The following CREB3L2 variants were observed in gnomAD, a reference collection of about 807,000 sequenced individuals.
CREB3L2 encodes the protein cyclic AMP-responsive element-binding protein 3-like protein 2.
Under a neutral mutation model 57.2 loss-of-function variants are expected in CREB3L2, and 23 were observed. That is an observed-to-expected ratio of 0.40 (90% CI 0.29 to 0.57). The LOEUF (loss-of-function observed/expected upper bound fraction) is 0.57. Among genes scored for constraint, CREB3L2 ranks in the 20% least tolerant of loss-of-function variants. The pLI is 0.42. For missense variants in CREB3L2, 628 were observed against 634.7 expected (o/e 0.99, Z 0.11); for synonymous variants, 268 against 265.1 (o/e 1.01, Z -0.11).
chr7:137,913,515 AAAAAAAG>A (rs1800060978), intron 3 of CREB3L2, among the ~76,000 whole-genome samples: 1 of 151,622 alleles, frequency 6.6e-6, no homozygotes, highest in Non-Finnish European at 1.5e-5. Context: ...TCAAAAAAAA[AAAAAAAG>A]AAAAAAGAAA....
chr7:138,001,818 G>C lies in CREB3L2; in HGVS notation c.-113C>G. 1.4e-6 allele frequency: 1 copy of C among 707,362 alleles called. No homozygotes were observed. The highest frequency in any genetic ancestry group is 2.2e-6 in the Non-Finnish European group (1 of 456,096). 43.8% of individuals were successfully genotyped at this position (707,362 alleles called of 1,614,324 possible). ...CGCGTGTGCTTGCGTGTGTGCGCGC[G>C]CGTGTCTGTAGTTTTGCACTTGGAA... is the stretch of plus-strand genomic sequence containing the variant. On this transcript the variant is annotated 5_prime_UTR_variant, in exon 1 of 12. Coordinates refer to ENST00000330387, the MANE Select transcript of CREB3L2 (RefSeq NM_194071.4). This position sits in a 1 kb window ranked among gnomAD's most constrained non-coding sequence, Gnocchi z 4.2.
At chr7:137,922,425 T>C (rs1222831895) in intron 2 of CREB3L2, among the ~76,000 whole-genome samples, 23 of 48,044 alleles carry the variant, frequency 4.8e-4, no homozygotes, top group East Asian at 3.8e-3. Context: ...TGTATATATA[T>C]ATATATATAT....
chr7:137,930,289 T>C (rs1194174243), intron 1 of CREB3L2, among the ~76,000 whole-genome samples: 3 of 152,218 alleles, frequency 2.0e-5, no homozygotes, highest in South Asian at 4.1e-4. Context: ...ATGGGTGTCA[T>C]CCTTACTGAT....
chr7:137,982,824 G>A (rs1484228937), intron 1 of CREB3L2, among the ~76,000 whole-genome samples: 3 of 152,152 alleles, frequency 2.0e-5, no homozygotes, highest in Non-Finnish European at 2.9e-5. Flanking sequence ...GGGCCTGAGG[G>A]TTAAATGGGC....
At chr7:137,940,763 C>A (rs1320595720) in intron 1 of CREB3L2, among the ~76,000 whole-genome samples, 1 of 152,192 alleles carries the variant, frequency 6.6e-6, no homozygotes, top group African/African-American at 2.4e-5. Flanking sequence ...GAACGGCATG[C>A]ATGCTTCCTA....
intron 3 of CREB3L2, among the ~76,000 whole-genome samples, chr7:137,914,631 CAA>C (rs913878330): frequency 6.8e-6 from 1 of 146,998 alleles, no homozygotes; most frequent in Non-Finnish European, 1.5e-5. Flanking sequence ...ACTTCTGTTT[CAA>C]AAAAAAAAGT....
At chr7:137,960,950 A>G (rs1000271005) in intron 1 of CREB3L2, among the ~76,000 whole-genome samples, 54 of 150,904 alleles carry the variant, frequency 3.6e-4, no homozygotes, top group African/African-American at 1.2e-3. Context: ...AGTAGCTGAG[A>G]TTAGAGGTGT....
Position 137,877,434 on chromosome 7 carries a change from ATTCT to A in CREB3L2, c.*3038_*3041del, listed in dbSNP as rs1799182056. On this transcript the variant is annotated 3_prime_UTR_variant, in exon 12 of 12. Coordinates refer to ENST00000330387, the MANE Select transcript of CREB3L2 (RefSeq NM_194071.4). ...TCCAGAGTCCTCACACTTCACAGAA[ATTCT>A]TTCTTAAAACTGGCACTGCAGCCTT... 4.4e-6 allele frequency: 1 copy of A among 226,862 alleles called. No individual in the cohort carries two copies. Among genetic ancestry groups the A allele is most frequent in the East Asian group, 6.3e-5 (1 of 15,770 alleles). The allele number at this position is 226,862 out of a possible 1,614,324, so 14.1% of individuals were successfully genotyped here. A position where few individuals can be genotyped will look rare whatever the true frequency, so the allele number is the denominator to read the frequency against.
At chr7:137,972,714 T>TAA (rs1801534070) in intron 1 of CREB3L2, among the ~76,000 whole-genome samples, 1 of 24,166 alleles carries the variant, frequency 4.1e-5, no homozygotes, top group Non-Finnish European at 8.4e-5. Context: ...AAAAAAAAAA[T>TAA]ATATATATAT....
Position 137,958,502 on chromosome 7 carries a change from C to T in CREB3L2, c.103-30136G>A, listed in dbSNP as rs550083061. ...CAACATAGTGGAGACCCTGCCTGTTCAAAAAAAAAGAAAGAAAGAAAGAAA... is the reference window on the plus strand; with the variant it reads ...CAACATAGTGGAGACCCTGCCTGTTTAAAAAAAAAGAAAGAAAGAAAGAAA... On this transcript the variant is annotated intron_variant, in intron 1 of 11. Transcript: ENST00000330387. Among the ~76,000 whole-genome samples, 188 of 148,906 alleles carry T rather than the reference C, an allele frequency of 1.3e-3. 4 individuals are homozygous for T. The highest frequency in any genetic ancestry group is 4.4e-3 in the African/African-American group (177 of 40,456).
intron 10 of CREB3L2, among the ~76,000 whole-genome samples, chr7:137,883,995 G>C (rs1177861901): frequency 1.3e-5 from 2 of 152,142 alleles, no homozygotes; most frequent in African/African-American, 2.4e-5. Context: ...GTTTTGGAAG[G>C]CAGGCTGATT....
intron 11 of CREB3L2, 108 bp downstream of exon 11, chr7:137,882,304 G>A: frequency 1.3e-6 from 1 of 773,220 alleles, no homozygotes; most frequent in East Asian, 2.5e-5. Flanking sequence ...AGAGAGCTGA[G>A]GGACTGAACC....
intron 1 of CREB3L2, among the ~76,000 whole-genome samples, chr7:137,956,327 T>C (rs1801209537): frequency 6.6e-6 from 1 of 152,250 alleles, no homozygotes; most frequent in South Asian, 2.1e-4. Flanking sequence ...TTAGTCAATT[T>C]ACTTTAGAGA....
chr7:137,937,694 A>T (rs915398372), intron 1 of CREB3L2, among the ~76,000 whole-genome samples: 2 of 152,026 alleles, frequency 1.3e-5, no homozygotes, highest in Non-Finnish European at 2.9e-5. Flanking sequence ...CGAACTCTTT[A>T]TTACACCAGA....
At position 137,894,524 on chromosome 7, in the gene CREB3L2, G is replaced by A. The variant is rs1422142046; in HGVS notation, c.1043+6830C>T. ...CTCTGTCTACCCCATTGGCTTCAGG[G>A]GTGCCCACTGGTCACCAGGTTTGCC... On this transcript the variant is annotated intron_variant, in intron 8 of 11. Transcript: ENST00000330387. Among the ~76,000 whole-genome samples, 9 of 152,256 alleles carry A rather than the reference G, an allele frequency of 5.9e-5. No homozygotes were observed. The South Asian group carries it at 1.0e-3, about 18-fold the overall frequency.
chr7:137,928,452 C>T (rs562693742), intron 1 of CREB3L2, 86 bp from the exon 2 acceptor site: 1 of 1,031,208 alleles, frequency 9.7e-7, no homozygotes, highest in Admixed American at 2.0e-5. Context: ...ACCTCATCCA[C>T]TGCTCGATAT....
At chr7:137,926,064 T>C (rs1160580059) in intron 2 of CREB3L2, among the ~76,000 whole-genome samples, 2 of 152,122 alleles carry the variant, frequency 1.3e-5, no homozygotes, top group Non-Finnish European at 2.9e-5. Flanking sequence ...TGGTGATCAT[T>C]AAAAAGTCTG....
intron 7 of CREB3L2, 116 bp downstream of exon 7, chr7:137,903,843 C>T (rs1448505144): frequency 4.7e-6 from 4 of 856,400 alleles, no homozygotes; most frequent in Non-Finnish European, 5.8e-6. Flanking sequence ...GATAAACCAC[C>T]GGGTTTCCAA....
At position 137,972,734 on chromosome 7, in the gene CREB3L2, TATAGAGAGAGAGAGAG is replaced by T. The variant is rs1323433265; in HGVS notation, c.102+28854_102+28869del. On this transcript the variant is annotated intron_variant, in intron 1 of 11. Coordinates refer to ENST00000330387, the MANE Select transcript of CREB3L2 (RefSeq NM_194071.4). ...AAAAATATATATATATATATATATA[TATAGAGAGAGAGAGAG>T]AGAGAGAGAGAGAGAGAGAGAAAAG... Among the ~76,000 whole-genome samples the T allele has an allele frequency of 2.3e-3, 54 of 23,412 alleles. 1 individual carries two copies. The highest frequency in any genetic ancestry group is 0.011 in the African/African-American group (47 of 4,134). The allele number at this position is 23,412 out of a possible 152,430, so 15.4% of individuals were successfully genotyped here. A position where few individuals can be genotyped will look rare whatever the true frequency, so the allele number is the denominator to read the frequency against.
Sources: allele counts gnomAD v4.1 joint callset (sites outside exome capture counted in the v4.1 genomes callset), GRCh38; gene constraint gnomAD v4.1.1; non-coding constraint Gnocchi (gnomAD v3.1); transcripts MANE v1.5; gene names NCBI Gene and HGNC (gene_info 2026-07-23, HGNC 2026-07-21).